The following PEX3 variants were observed in gnomAD, a reference collection of about 807,000 sequenced individuals.
PEX3 encodes the protein peroxin-3.
PEX3 carries 30 observed loss-of-function variants against 55.8 expected under a neutral mutation model. The observed-to-expected ratio is 0.54, with a 90% CI of 0.40 to 0.73. The LOEUF (loss-of-function observed/expected upper bound fraction) is 0.73, where lower values mean the gene tolerates loss of function less well. Among genes scored for constraint, PEX3 ranks in the 30% least tolerant of loss-of-function variants. The pLI, the probability that PEX3 is intolerant of heterozygous loss-of-function variation, is 0.00. For missense variants in PEX3, 351 were observed against 432.8 expected (o/e 0.81, Z 1.68); for synonymous variants, 135 against 148.4 (o/e 0.91, Z 0.66).
In PEX3 at chr6:143,485,056, A is replaced by G; in HGVS notation, c.942-96A>G. The G allele has an allele frequency of 1.3e-6, 1 of 771,472 alleles. No individual in the cohort carries two copies. The highest frequency in any genetic ancestry group is 2.3e-6 in the Non-Finnish European group (1 of 432,776). 47.8% of individuals were successfully genotyped at this position (771,472 alleles called of 1,614,324 possible). A position where few individuals can be genotyped will look rare whatever the true frequency, so the allele number is the denominator to read the frequency against. On this transcript the variant is annotated intron_variant, in intron 10 of 11. Transcript: ENST00000367591. The surrounding 1 kb of genome is among the most constrained non-coding windows in gnomAD (Gnocchi z 5.6). Reference sequence around the variant, plus strand: ...TTTCCTTTTTAATAGATTTCCAAAAATATTCTACAATGGCTATGTATTACT... The same window carrying G: ...TTTCCTTTTTAATAGATTTCCAAAAGTATTCTACAATGGCTATGTATTACT...
intron 10 of PEX3, among the ~76,000 whole-genome samples, chr6:143,480,404 A>G (rs1780219163): frequency 6.6e-6 from 1 of 152,206 alleles, no homozygotes; most frequent in Non-Finnish European, 1.5e-5. Flanking sequence ...TACTACAGCC[A>G]CAACAGCCAT....
intron 1 of PEX3, among the ~76,000 whole-genome samples, chr6:143,452,672 G>A (rs1779792501): frequency 6.6e-6 from 1 of 152,104 alleles, no homozygotes; most frequent in African/African-American, 2.4e-5. Context: ...TAATCCTAGT[G>A]TTTTATATCA....
intron 10 of PEX3, among the ~76,000 whole-genome samples, chr6:143,480,920 G>GA (rs1336675233): frequency 6.6e-6 from 1 of 152,098 alleles, no homozygotes; most frequent in Non-Finnish European, 1.5e-5. Context: ...GCTGAGGTGA[G>GA]AAAATCACCT....
At chr6:143,468,808 C>CA (rs67049211) in intron 4 of PEX3, among the ~76,000 whole-genome samples, 3 of 16,588 alleles carry the variant, frequency 1.8e-4, no homozygotes, top group Non-Finnish European at 3.0e-4. Context: ...CTATCCCCCC[C>CA]CCCCCCACCC....
intron 10 of PEX3, among the ~76,000 whole-genome samples, chr6:143,484,526 G>A (rs1438454535): frequency 1.3e-5 from 2 of 152,102 alleles, no homozygotes; most frequent in South Asian, 2.1e-4. Context: ...TAATGGTGTG[G>A]TTCACTGGAG....
chr6:143,479,097 G>T lies in PEX3; in HGVS notation c.840G>T (p.Leu280Phe). ...MLESPDFSTV[L>F]NTCLNRGFSR... ...ATAGCCCAGATTTTAGTACAGTTTT[G>T]AATACCTGTTTAAACCGAGGTTTTA... is the stretch of plus-strand genomic sequence containing the variant. Residue 280 changes from leucine (L) to phenylalanine (F), a missense_variant, in exon 10 of 12, where the codon TTG becomes TTT. Transcript: ENST00000367591. The surrounding 1 kb of genome is among the most constrained non-coding windows in gnomAD (Gnocchi z 4.6). 1 of 1,578,896 alleles carries T rather than the reference G, an allele frequency of 6.3e-7. No homozygotes were observed. Among genetic ancestry groups the T allele is most frequent in the South Asian group, 1.1e-5 (1 of 90,288 alleles).
chr6:143,485,732 A>G lies in PEX3; in HGVS notation c.1038+484A>G, dbSNP rs1780314754. ...CAGTGGGTCATTTAAATGTTTTATC[A>G]GACTACCTATAACTCCATCTTATTT... On this transcript the variant is annotated intron_variant, in intron 11 of 11. Coordinates refer to ENST00000367591, the MANE Select transcript of PEX3 (RefSeq NM_003630.3). This position sits in a 1 kb window ranked among gnomAD's most constrained non-coding sequence, Gnocchi z 5.6. Among the ~76,000 whole-genome samples, 1 of 152,276 alleles carries G rather than the reference A, an allele frequency of 6.6e-6. No individual in the cohort carries two copies. Among genetic ancestry groups the G allele is most frequent in the African/African-American group, 2.4e-5 (1 of 41,580 alleles).
At chr6:143,467,421 C>A (rs1363625457) in intron 3 of PEX3, among the ~76,000 whole-genome samples, 1 of 151,936 alleles carries the variant, frequency 6.6e-6, no homozygotes, top group African/African-American at 2.4e-5. Context: ...CTGAAAAAAT[C>A]TTAGAAATAA....
chr6:143,455,009 G>T (rs1471683826), intron 1 of PEX3, among the ~76,000 whole-genome samples: 1 of 152,114 alleles, frequency 6.6e-6, no homozygotes, highest in East Asian at 1.9e-4. Context: ...CACTTAGGGA[G>T]CTTAATAAAA....
Position 143,464,566 on chromosome 6 carries a change from A to G in PEX3, c.287+1569A>G, listed in dbSNP as rs778007817. ...AAAAGATGTGATTCTTTTTTTCTTA[A>G]TCGGTACACAGGGAGGAGAATTTCT... On this transcript the variant is annotated intron_variant, in intron 3 of 11. Coordinates refer to ENST00000367591, the MANE Select transcript of PEX3 (RefSeq NM_003630.3). The surrounding 1 kb of genome is among the most constrained non-coding windows in gnomAD (Gnocchi z 5.8). 1.1e-4 allele frequency among the ~76,000 whole-genome samples: 17 copies of G among 151,948 alleles called. No individual in the cohort carries two copies. Among genetic ancestry groups the G allele is most frequent in the Non-Finnish European group, 2.2e-4 (15 of 67,846 alleles).
At chr6:143,480,053 G>A (rs1780213700) in intron 10 of PEX3, among the ~76,000 whole-genome samples, 1 of 151,954 alleles carries the variant, frequency 6.6e-6, no homozygotes, top group South Asian at 2.1e-4. Flanking sequence ...AGGGCCAGAA[G>A]TTACTTACCA....
rs1242747745 is a variant in PEX3 at position 143,464,174 on chromosome 6, ATAGG to A, written c.287+1182_287+1185del. ...ATAAATAATTACCATTTGTGTGTACATAGGTAGGAATTGAAAAGAAGTAGATTTT... is the reference window on the plus strand; with the variant it reads ...ATAAATAATTACCATTTGTGTGTACATAGGAATTGAAAAGAAGTAGATTTT... On this transcript the variant is annotated intron_variant, in intron 3 of 11. Coordinates refer to ENST00000367591, the MANE Select transcript of PEX3 (RefSeq NM_003630.3). This position sits in a 1 kb window ranked among gnomAD's most constrained non-coding sequence, Gnocchi z 5.8. Among the ~76,000 whole-genome samples, 1 of 152,262 alleles carries A rather than the reference ATAGG, an allele frequency of 6.6e-6. No individual in the cohort carries two copies. The highest frequency in any genetic ancestry group is 6.5e-5 in the Admixed American group (1 of 15,300).
At chr6:143,467,916 G>T (rs561972347) in intron 3 of PEX3, among the ~76,000 whole-genome samples, 12 of 152,208 alleles carry the variant, frequency 7.9e-5, no homozygotes, top group African/African-American at 2.9e-4. Flanking sequence ...GAAAAAGATT[G>T]TAAGAATATA....
At chr6:143,469,618 C>G (rs969054858) in intron 4 of PEX3, among the ~76,000 whole-genome samples, 3 of 152,282 alleles carry the variant, frequency 2.0e-5, no homozygotes, top group Non-Finnish European at 4.4e-5. Context: ...TTCTCCCATT[C>G]TGTAGGTTGC....
intron 10 of PEX3, among the ~76,000 whole-genome samples, chr6:143,481,985 AAAAG>A (rs1280803802): frequency 6.6e-6 from 1 of 152,158 alleles, no homozygotes; most frequent in African/African-American, 2.4e-5. Context: ...AATATATAAA[AAAAG>A]AGTATTTGAA....
chr6:143,460,251 A>G lies in PEX3; in HGVS notation c.205+1035A>G, dbSNP rs1034989336. Among the ~76,000 whole-genome samples the G allele has an allele frequency of 1.4e-4, 22 of 152,152 alleles. 1 individual carries two copies. The highest frequency in any genetic ancestry group is 2.6e-4 in the Non-Finnish European group (18 of 68,022). On this transcript the variant is annotated intron_variant, in intron 2 of 11. Coordinates refer to ENST00000367591, the MANE Select transcript of PEX3 (RefSeq NM_003630.3). ...AAGGGTAAGAGGCACATCCAAAATT[A>G]CAATTGGAGTATGATTTTTAATATT... is the stretch of plus-strand genomic sequence containing the variant.
In PEX3 at chr6:143,486,922, A is replaced by G. The variant is rs1310560799; in HGVS notation, c.1038+1674A>G. 6.6e-6 allele frequency among the ~76,000 whole-genome samples: 1 copy of G among 152,180 alleles called. No homozygotes were observed. The highest frequency in any genetic ancestry group is 2.4e-5 in the African/African-American group (1 of 41,460). The stretch of plus-strand genomic sequence containing the variant: ...TGAAAGCAGTCAGAAACGTACATGA[A>G]CAAAAGAGTATGGCTGTTTCAACAA... On this transcript the variant is annotated intron_variant, in intron 11 of 11. Transcript: ENST00000367591. This position sits in a 1 kb window ranked among gnomAD's most constrained non-coding sequence, Gnocchi z 5.0.
At chr6:143,455,899 C>G (rs775009071) in intron 1 of PEX3, among the ~76,000 whole-genome samples, 8 of 152,096 alleles carry the variant, frequency 5.3e-5, no homozygotes, top group Non-Finnish European at 1.0e-4. Flanking sequence ...AGGTTATTTT[C>G]AAACTTTTTT....
rs2128747815 is a variant in PEX3 at position 143,482,981 on chromosome 6, T to C, written c.942-2171T>C. 6.6e-6 allele frequency among the ~76,000 whole-genome samples: 1 copy of C among 152,268 alleles called. No homozygotes were observed. The highest frequency in any genetic ancestry group is 1.5e-5 in the Non-Finnish European group (1 of 67,990). ...ATCAAACAAGCTTTTTATAAGCTTT[T>C]CATCAATATTAAATGCAAATAATAT... On this transcript the variant is annotated intron_variant, in intron 10 of 11. Transcript: ENST00000367591. This position sits in a 1 kb window ranked among gnomAD's most constrained non-coding sequence, Gnocchi z 5.5.
Sources: gnomAD v4.1 joint callset for allele counts (sites outside exome capture counted in the v4.1 genomes callset) on GRCh38, gnomAD v4.1.1 for gene constraint, Gnocchi (gnomAD v3.1) non-coding constraint, MANE v1.5 for transcripts, NCBI Gene and HGNC (gene_info 2026-07-23, HGNC 2026-07-21) for gene names.